FSD1L: variants seen among roughly 807,000 people sequenced by gnomAD.
The protein encoded by FSD1L is fibronectin type III and SPRY domain containing 1 like, also known as FSD1-like protein.
Under a neutral mutation model 71.6 loss-of-function variants are expected in FSD1L, and 45 were observed. The observed-to-expected ratio is 0.63, with a 90% CI of 0.49 to 0.81. FSD1L has a LOEUF of 0.81. FSD1L is among the 30% of genes least tolerant of loss of function. The pLI is 0.00. For synonymous variants in FSD1L, 197 were observed against 207.2 expected, an observed-to-expected ratio of 0.95 and a Z score of 0.42; for missense variants, 561 against 618.1, an observed-to-expected ratio of 0.91 and a Z score of 0.98.
chr9:105,475,450 A>G lies in FSD1L; in HGVS notation c.441+3445A>G, dbSNP rs558578641. 1.4e-4 allele frequency among the ~76,000 whole-genome samples: 22 copies of G among 152,306 alleles called. No individual in the cohort carries two copies. In the South Asian group the frequency reaches 4.3e-3, roughly 30 times the overall value. ...TGAGTGTTAGGCTCTGACCACTGGA[A>G]GGAGTGAATAAGAAGAGGAGTGGGT... On this transcript the variant is annotated intron_variant, in intron 5 of 13. Transcript: ENST00000481272.
intron 7 of FSD1L, among the ~76,000 whole-genome samples, chr9:105,489,343 T>C (rs1832765906): frequency 6.6e-6 from 1 of 152,160 alleles, no homozygotes; most frequent in South Asian, 2.1e-4. Context: ...ACAAGGTCTT[T>C]GTATGTAGAG....
At chr9:105,482,696 GTTT>G (rs1316383754) in intron 6 of FSD1L, among the ~76,000 whole-genome samples, 2 of 152,024 alleles carry the variant, frequency 1.3e-5, no homozygotes, top group Non-Finnish European at 1.5e-5. Context: ...GGAAACTTAA[GTTT>G]TCATTGACTA....
At chr9:105,448,271 A>G in intron 1 of FSD1L, 36 bp downstream of exon 1, 2 of 1,520,216 alleles carry the variant, frequency 1.3e-6, no homozygotes, top group Non-Finnish European at 8.8e-7. Context: ...CTACCGAGAC[A>G]AGCCGGGCCG....
intron 7 of FSD1L, among the ~76,000 whole-genome samples, chr9:105,487,213 T>G (rs550632758): frequency 6.6e-6 from 1 of 152,256 alleles, no homozygotes; most frequent in African/African-American, 2.4e-5. Context: ...TTATAGTCTT[T>G]TCATTAGAAA....
intron 3 of FSD1L, among the ~76,000 whole-genome samples, chr9:105,467,732 G>A (rs1444457074): frequency 2.0e-5 from 3 of 152,120 alleles, no homozygotes; most frequent in Admixed American, 6.6e-5. Flanking sequence ...GACAAAATCC[G>A]CCTCATTTCT....
intron 10 of FSD1L, among the ~76,000 whole-genome samples, chr9:105,517,220 G>A (rs1834784826): frequency 6.6e-6 from 1 of 152,192 alleles, no homozygotes; most frequent in Non-Finnish European, 1.5e-5. Context: ...TGAAAGTGAT[G>A]GGGAGAATGG....
At chr9:105,471,642 GT>G (rs1210083700) in intron 4 of FSD1L, among the ~76,000 whole-genome samples, 1 of 150,454 alleles carries the variant, frequency 6.6e-6, no homozygotes, top group African/African-American at 2.4e-5. Context: ...CAGTGAAGCT[GT>G]TTTCGATAAA....
intron 5 of FSD1L, among the ~76,000 whole-genome samples, chr9:105,478,524 T>A (rs2131677766): frequency 6.6e-6 from 1 of 152,314 alleles, no homozygotes; most frequent in East Asian, 1.9e-4. Context: ...CTGTACTGGT[T>A]ACTGTGGAGA....
rs114784806 is a variant in FSD1L at position 105,536,573 on chromosome 9, C to T, written c.1378+1255C>T. On this transcript the variant is annotated intron_variant, in intron 12 of 13. Transcript: ENST00000481272. ...CCCTAATCCATTAGATCTTTTTTCACGGCATTATGTCAAATTGTCTTTTTC... is the reference window on the plus strand; with the variant it reads ...CCCTAATCCATTAGATCTTTTTTCATGGCATTATGTCAAATTGTCTTTTTC... 9.2e-3 allele frequency among the ~76,000 whole-genome samples: 1,401 copies of T among 152,098 alleles called. 21 individuals carry two copies. Among genetic ancestry groups the T allele is most frequent in the African/African-American group, 0.032 (1,339 of 41,478 alleles).
intron 7 of FSD1L, among the ~76,000 whole-genome samples, chr9:105,492,927 G>C (rs2131758759): frequency 6.6e-6 from 1 of 152,206 alleles, no homozygotes; most frequent in African/African-American, 2.4e-5. Context: ...CAAGTATGTG[G>C]TCAATTTTGG....
chr9:105,493,735 T>A (rs371833482), intron 7 of FSD1L, among the ~76,000 whole-genome samples: 4 of 151,986 alleles, frequency 2.6e-5, no homozygotes, highest in Non-Finnish European at 5.9e-5. Flanking sequence ...GTCTGTAAAG[T>A]ATTTTATTTC....
upstream of FSD1L, among the ~76,000 whole-genome samples, chr9:105,444,945 T>C (rs112170146): frequency 1.7e-4 from 26 of 152,376 alleles, no homozygotes; most frequent in African/African-American, 5.5e-4. Context: ...CAATTTGTAC[T>C]TCATAGAAGT....
chr9:105,515,776 T>A (rs1834677717), intron 10 of FSD1L, among the ~76,000 whole-genome samples: 1 of 150,428 alleles, frequency 6.6e-6, no homozygotes, highest in Admixed American at 6.6e-5. Context: ...GACACCAAAC[T>A]AGCTGCAGAA....
intron 5 of FSD1L, among the ~76,000 whole-genome samples, chr9:105,476,065 A>G (rs76250631): frequency 6.6e-6 from 1 of 152,228 alleles, no homozygotes; most frequent in African/African-American, 2.4e-5. Context: ...ATAAATTCAC[A>G]GAAGAAAATA....
chr9:105,507,102 T>C (rs1442802041), intron 8 of FSD1L, among the ~76,000 whole-genome samples: 1 of 152,238 alleles, frequency 6.6e-6, no homozygotes, highest in East Asian at 1.9e-4. Flanking sequence ...ATTTAATTTT[T>C]ACCTTGGTTT....
intron 4 of FSD1L, among the ~76,000 whole-genome samples, chr9:105,469,240 A>G (rs1487281800): frequency 6.6e-6 from 1 of 152,238 alleles, no homozygotes; most frequent in Non-Finnish European, 1.5e-5. Context: ...GGGTTTAAAT[A>G]TCTCTTTGAG....
At chr9:105,514,249 T>C (rs1031553885) in intron 10 of FSD1L, among the ~76,000 whole-genome samples, 43 of 152,240 alleles carry the variant, frequency 2.8e-4, no homozygotes, top group African/African-American at 1.0e-3. Flanking sequence ...TAAAAGTGAT[T>C]TTATAGTGTA....
chr9:105,492,205 C>T (rs1229033737), intron 7 of FSD1L, among the ~76,000 whole-genome samples: 1 of 152,148 alleles, frequency 6.6e-6, no homozygotes. Flanking sequence ...AGAGAATCAA[C>T]TTCTTCCTGG....
intron 12 of FSD1L, 32 bp from the exon 13 acceptor site, chr9:105,539,231 A>G: frequency 2.0e-6 from 2 of 1,016,938 alleles, no homozygotes; most frequent in African/African-American, 1.6e-5. Flanking sequence ...TTTTTTGTAT[A>G]ATAAATTAGG....
Sources: gnomAD v4.1 joint callset for allele counts (sites outside exome capture counted in the v4.1 genomes callset) on GRCh38, gnomAD v4.1.1 for gene constraint, MANE v1.5 for transcripts, NCBI Gene and HGNC (gene_info 2026-07-23, HGNC 2026-07-21) for gene names.